Variants in TRIM9 observed in about 807,000 individuals in gnomAD.
The protein encoded by TRIM9 is E3 ubiquitin-protein ligase TRIM9.
TRIM9 carries 26 observed loss-of-function variants against 78.3 expected under a neutral mutation model. The observed-to-expected ratio is 0.33, with a 90% CI of 0.24 to 0.46. The LOEUF (loss-of-function observed/expected upper bound fraction) is 0.46. Among genes scored for constraint, TRIM9 ranks in the 20% least tolerant of loss-of-function variants. TRIM9 has a pLI of 1.00. For missense variants in TRIM9, 787 were observed against 1,036.4 expected (o/e 0.76, Z 3.30); for synonymous variants, 398 against 416.5 (o/e 0.96, Z 0.54).
In TRIM9 at chr14:50,979,524, C is replaced by T. The variant is rs147121790; in HGVS notation, c.2188G>A (p.Ala730Thr). ...NRTEGGITKG[A>T]TIGVLLDLNR... ...AAGTCGAGGAGGACCCCAATTGTGG[C>T]CCCTTTTGTGATCCCTCCCTCAGTT... is the stretch of plus-strand genomic sequence containing the variant. The change falls in exon 12 of 13, where the codon GCC becomes ACC. Residue 730 changes from alanine to threonine, a missense_variant. Ala to Thr is a moderately conservative substitution (Grantham distance 58). Transcript: ENST00000684578. 2.0e-5 allele frequency: 32 copies of T among 1,613,922 alleles called. No homozygotes were observed. The African/African-American group carries it at 3.3e-4, about 17-fold the overall frequency.
At chr14:51,044,429 T>TAG (rs2059793369) in intron 1 of TRIM9, among the ~76,000 whole-genome samples, 1 of 152,174 alleles carries the variant, frequency 6.6e-6, no homozygotes, top group African/African-American at 2.4e-5. Context: ...CACTGAGATG[T>TAG]AGATGATGTT....
At chr14:51,065,570 C>T (rs756852017) in intron 1 of TRIM9, among the ~76,000 whole-genome samples, 3 of 152,166 alleles carry the variant, frequency 2.0e-5, no homozygotes, top group Non-Finnish European at 2.9e-5. Context: ...TAAGGACACA[C>T]ATTTTTGCCC....
chr14:50,986,416 T>C (rs529531894), intron 7 of TRIM9: 2 of 281,232 alleles, frequency 7.1e-6, no homozygotes, highest in South Asian at 3.3e-4. Context: ...AAGGTTTCCT[T>C]TTAATTAAAT....
At chr14:50,984,391 A>T (rs2052420992) in intron 8 of TRIM9, among the ~76,000 whole-genome samples, 1 of 152,274 alleles carries the variant, frequency 6.6e-6, no homozygotes, top group South Asian at 2.1e-4. Context: ...TTAAAAACAA[A>T]ATATAAAAAT....
At position 50,983,063 on chromosome 14, in the gene TRIM9, A is replaced by G. The variant is rs754295721; in HGVS notation, c.1835-98T>C. On this transcript the variant is annotated intron_variant, in intron 9 of 12. Coordinates refer to ENST00000684578, the MANE Select transcript of TRIM9 (RefSeq NM_001387360.1). ...TCTCTCTTGATAGACTAGTACCCCAAAAGGACTCAATTTAAAATGCCACAT... is the reference window on the plus strand; with the variant it reads ...TCTCTCTTGATAGACTAGTACCCCAGAAGGACTCAATTTAAAATGCCACAT... The G allele has an allele frequency of 2.4e-5, 28 of 1,182,546 alleles. No homozygotes were observed. In the Admixed American group the frequency reaches 2.6e-4, roughly 11 times the overall value. The allele number at this position is 1,182,546 out of a possible 1,614,324, so 73.3% of individuals were successfully genotyped here.
intron 3 of TRIM9, among the ~76,000 whole-genome samples, chr14:51,013,918 G>T (rs964214139): frequency 6.6e-6 from 1 of 152,158 alleles, no homozygotes; most frequent in African/African-American, 2.4e-5. Context: ...CTTGTTTCCA[G>T]GATGACATTT....
chr14:51,092,619 C>T (rs1021532644), intron 1 of TRIM9, among the ~76,000 whole-genome samples: 1 of 152,098 alleles, frequency 6.6e-6, no homozygotes, highest in African/African-American at 2.4e-5. Context: ...TGAATCCCTG[C>T]CCTGCACTCC....
chr14:51,051,290 C>G (rs1220259452), intron 1 of TRIM9, among the ~76,000 whole-genome samples: 1 of 152,124 alleles, frequency 6.6e-6, no homozygotes, highest in East Asian at 1.9e-4. Context: ...AGAAAGAGAG[C>G]TCAAAAGACA....
intron 1 of TRIM9, 51 bp downstream of exon 1, chr14:51,094,067 C>T: frequency 6.4e-7 from 1 of 1,551,932 alleles, no homozygotes; most frequent in Non-Finnish European, 8.8e-7. Flanking sequence ...TGCTGCAAAA[C>T]CGGATGATCG....
intron 1 of TRIM9, among the ~76,000 whole-genome samples, chr14:51,041,782 A>G (rs939643095): frequency 1.3e-5 from 2 of 151,974 alleles, no homozygotes; most frequent in Admixed American, 1.3e-4. Flanking sequence ...GTTTTAAAAA[A>G]TTTTAAAGCC....
intron 5 of TRIM9, among the ~76,000 whole-genome samples, chr14:51,004,317 G>A (rs10137784): frequency 0.012 from 1,816 of 152,318 alleles, 40 homozygotes; most frequent in African/African-American, 0.042. Context: ...GAAGAGGTCT[G>A]GCGGAGCTGT....
intron 1 of TRIM9, among the ~76,000 whole-genome samples, chr14:51,045,311 T>G (rs548522000): frequency 6.6e-5 from 10 of 152,356 alleles, no homozygotes; most frequent in African/African-American, 2.4e-4. Context: ...AAAATTTATC[T>G]TGTGTGTCCC....
At chr14:50,979,590 T>G in intron 11 of TRIM9, 41 bp from the exon 12 acceptor site, 1 of 1,559,876 alleles carries the variant, frequency 6.4e-7, no homozygotes, top group Non-Finnish European at 8.8e-7. Flanking sequence ...TTCCTTGTGG[T>G]CACTCTAGAA....
At chr14:51,034,410 G>A (rs2058977246) in intron 1 of TRIM9, among the ~76,000 whole-genome samples, 1 of 152,088 alleles carries the variant, frequency 6.6e-6, no homozygotes, top group African/African-American at 2.4e-5. Flanking sequence ...TTTAAAAAAT[G>A]AGATTCCGTT....
chr14:50,995,004 T>C (rs1340857995), intron 7 of TRIM9, among the ~76,000 whole-genome samples: 1 of 151,982 alleles, frequency 6.6e-6, no homozygotes, highest in African/African-American at 2.4e-5. Context: ...TAATAATGCA[T>C]TCTCCTTTCC....
intron 1 of TRIM9, among the ~76,000 whole-genome samples, chr14:51,049,549 C>T (rs576796161): frequency 5.9e-5 from 9 of 152,016 alleles, no homozygotes; most frequent in South Asian, 4.2e-4. Flanking sequence ...TAATATAGGC[C>T]GGGCGCAGTG....
chr14:51,020,540 C>A (rs1025168154), intron 3 of TRIM9, among the ~76,000 whole-genome samples: 1 of 152,224 alleles, frequency 6.6e-6, no homozygotes, highest in African/African-American at 2.4e-5. Context: ...CAGTGGCCCC[C>A]AAATGCATCC....
chr14:51,048,014 C>T (rs2140045363), intron 1 of TRIM9, among the ~76,000 whole-genome samples: 1 of 152,040 alleles, frequency 6.6e-6, no homozygotes, highest in Non-Finnish European at 1.5e-5. Flanking sequence ...TAAATGCCCT[C>T]CTTTAGGTAT....
At chr14:51,035,185 G>C (rs2059035023) in intron 1 of TRIM9, among the ~76,000 whole-genome samples, 1 of 152,180 alleles carries the variant, frequency 6.6e-6, no homozygotes, top group Non-Finnish European at 1.5e-5. Flanking sequence ...GCTATTCGTA[G>C]TGTATTTCTG....
Sources: gnomAD v4.1 joint callset for allele counts (sites outside exome capture counted in the v4.1 genomes callset) on GRCh38, gnomAD v4.1.1 for gene constraint, MANE v1.5 for transcripts, NCBI Gene and HGNC (gene_info 2026-07-23, HGNC 2026-07-21) for gene names.